PC: variants seen among roughly 807,000 people sequenced by gnomAD.
The protein encoded by PC is pyruvate carboxylase.
In PC, 46 loss-of-function variants were observed where a neutral mutation model predicts 107.8. That is an observed-to-expected ratio of 0.43 (90% CI 0.34 to 0.55). The LOEUF is 0.55. Ranked by LOEUF, PC falls within the 20% of genes least tolerant of loss-of-function variation. The probability of loss-of-function intolerance (pLI) is 0.04; values close to 1 mark genes in which losing one functional copy is unlikely to be tolerated. For missense variants in PC, 1,241 were observed against 1,643.1 expected (o/e 0.76, Z 4.23); for synonymous variants, 662 against 684.7 (o/e 0.97, Z 0.52).
chr11:66,923,162 C>G (rs1030598334), intron 3 of PC, among the ~76,000 whole-genome samples: 1 of 151,958 alleles, frequency 6.6e-6, no homozygotes, highest in Non-Finnish European at 1.5e-5. Flanking sequence ...GTCAGGAGAT[C>G]GAGACCATCC....
rs998852192 is a variant in PC at position 66,852,279 on chromosome 11, C to A, written c.1825+160G>T. Among the ~76,000 whole-genome samples, 3 of 152,234 alleles carry A rather than the reference C, an allele frequency of 2.0e-5. No individual in the cohort carries two copies. Among genetic ancestry groups the A allele is most frequent in the Non-Finnish European group, 4.4e-5 (3 of 68,042 alleles). ...TCAGCTCTGCAACCTCGTGCCGGCA[C>A]CAGGCCTGGCCGGAGAGGGCGCTGT... On this transcript the variant is annotated intron_variant, in intron 15 of 22. Transcript: ENST00000393960. This position sits in a 1 kb window ranked among gnomAD's most constrained non-coding sequence, Gnocchi z 4.7.
At chr11:66,873,525 T>TAG (rs1555028683) in intron 3 of PC, among the ~76,000 whole-genome samples, 1 of 67,340 alleles carries the variant, frequency 1.5e-5, no homozygotes, top group Non-Finnish European at 2.7e-5. Context: ...ATATTATATA[T>TAG]TATAATATAT....
chr11:66,956,742 A>G (rs552159878), intron 1 of PC, among the ~76,000 whole-genome samples: 9 of 152,276 alleles, frequency 5.9e-5, no homozygotes, highest in African/African-American at 1.9e-4. Context: ...ATCCCCTTCC[A>G]GGCCATTTCT....
At chr11:66,868,795 T>C (rs1946604809) in intron 10 of PC, 51 bp downstream of exon 10, 1 of 1,457,706 alleles carries the variant, frequency 6.9e-7, no homozygotes, top group Non-Finnish European at 9.6e-7. Context: ...CTGTACTTTA[T>C]GCAAATCCTA....
intron 3 of PC, among the ~76,000 whole-genome samples, chr11:66,887,355 TGAG>T (rs1339659672): frequency 1.3e-5 from 2 of 152,128 alleles, no homozygotes; most frequent in African/African-American, 4.8e-5. Context: ...ACAGGAACAT[TGAG>T]GAGAAAAGTA....
intron 9 of PC, among the ~76,000 whole-genome samples, chr11:66,869,582 C>A (rs904952668): frequency 1.2e-4 from 18 of 152,174 alleles, no homozygotes; most frequent in Admixed American, 1.2e-3. Context: ...TAAGACCTGA[C>A]TTAAACGCGA....
chr11:66,875,649 G>A (rs1228724963), intron 3 of PC, among the ~76,000 whole-genome samples: 6 of 152,104 alleles, frequency 3.9e-5, no homozygotes, highest in South Asian at 2.1e-4. Context: ...AGGATGGGGC[G>A]CGAGTTGGGC....
chr11:66,891,682 G>A (rs570368349), intron 3 of PC, among the ~76,000 whole-genome samples: 3 of 152,284 alleles, frequency 2.0e-5, no homozygotes, highest in South Asian at 4.1e-4. Context: ...GTGAGCCACC[G>A]CACCCAGCCA....
rs745572362 is a variant in PC, at chr11:66,871,125, T to C, written c.560A>G (p.Tyr187Cys). 2 of 1,613,706 alleles carry C rather than the reference T, an allele frequency of 1.2e-6. No individual in the cohort carries two copies. The highest frequency in any genetic ancestry group is 2.7e-5 in the African/African-American group (2 of 74,904). ...LHEAHEFSNT[Y>C]GFPIIFKAAY... is the part of the protein sequence containing the mutation. ...CGCCTTGAAGATGATGGGGAAGCCG[T>C]AGGTGTTGGAGAACTCGTGGGCCTC... Residue 187 changes from tyrosine to cysteine, a missense_variant, in exon 7 of 23, where the codon TAC becomes TGC. This residue lies in a region of PC where 1,143 missense variants were observed against 1,551.9 expected (regional missense o/e 0.74). Coordinates refer to ENST00000393960, the MANE Select transcript of PC (RefSeq NM_001040716.2). The surrounding 1 kb of genome is among the most constrained non-coding windows in gnomAD (Gnocchi z 7.4).
At chr11:66,909,439 G>A (rs555713076) in intron 3 of PC, among the ~76,000 whole-genome samples, 1 of 152,314 alleles carries the variant, frequency 6.6e-6, no homozygotes, top group South Asian at 2.1e-4. Context: ...AGGTGTCCCT[G>A]CCGCTCCCCC....
chr11:66,883,920 T>C (rs765051557), intron 3 of PC, among the ~76,000 whole-genome samples: 1 of 151,586 alleles, frequency 6.6e-6, no homozygotes, highest in Non-Finnish European at 1.5e-5. Flanking sequence ...ATCCTGTCTC[T>C]GCCAAAAAAT....
intron 12 of PC, among the ~76,000 whole-genome samples, chr11:66,863,049 A>G (rs1220095734): frequency 6.6e-6 from 1 of 152,146 alleles, no homozygotes; most frequent in Non-Finnish European, 1.5e-5. Flanking sequence ...GAAATTAAGA[A>G]TTATCTGGGA....
intron 3 of PC, among the ~76,000 whole-genome samples, chr11:66,937,047 T>C: frequency 6.6e-6 from 1 of 152,136 alleles, no homozygotes; most frequent in Admixed American, 6.5e-5. Context: ...TTTCGCCATG[T>C]TGGTCAGGCT....
At chr11:66,943,402 G>A (rs1358766251) in intron 3 of PC, among the ~76,000 whole-genome samples, 3 of 152,086 alleles carry the variant, frequency 2.0e-5, no homozygotes, top group African/African-American at 7.2e-5. Context: ...CGAATCTGCT[G>A]CTGCCTTGAT....
chr11:66,851,225 G>A lies in PC; in HGVS notation c.2038C>T (p.Leu680Phe). The change falls in exon 17 of 23, where the codon CTC (leucine) becomes TTC (phenylalanine). Residue 680 changes from leucine to phenylalanine, a missense_variant. Leu to Phe is a conservative substitution (Grantham distance 22, BLOSUM62 0). Around this residue, in one of 2 missense-constraint regions of PC, gnomAD observed 1,143 missense variants for 1,551.9 expected, o/e 0.74. Transcript: ENST00000393960. ...AGCAGCATGTTGGGCAAGTAGTTGA[G>A]GGAGTCAAACACACGGAAGACATCC... ...GMDVFRVFDSLNYLPNMLLGM... is the reference protein window; with the variant it reads ...GMDVFRVFDSFNYLPNMLLGM... The A allele has an allele frequency of 6.2e-7, 1 of 1,606,722 alleles. No individual in the cohort carries two copies. The highest frequency in any genetic ancestry group is 8.5e-7 in the Non-Finnish European group (1 of 1,179,974).
Position 66,848,944 on chromosome 11 carries a change from C to T in PC, c.3492G>A (p.Lys1164=). 6.2e-7 allele frequency: 1 copy of T among 1,614,066 alleles called. No individual in the cohort carries two copies. The highest frequency in any genetic ancestry group is 8.5e-7 in the Non-Finnish European group (1 of 1,180,030). ...EGTVRKVHVT[K]DMTLEGDDLI... ...GGTCGTCACCTTCCAGTGTCATGTCCTTGGTCACATGAACCTTGCGGACAG... is the reference window on the plus strand; with the variant it reads ...GGTCGTCACCTTCCAGTGTCATGTCTTTGGTCACATGAACCTTGCGGACAG... Residue 1164 remains lysine (K), a synonymous_variant, in exon 23 of 23, where the codon AAG becomes AAA. Coordinates refer to ENST00000393960, the MANE Select transcript of PC (RefSeq NM_001040716.2).
intron 3 of PC, among the ~76,000 whole-genome samples, chr11:66,899,262 G>A (rs763513836): frequency 6.6e-4 from 100 of 152,294 alleles, no homozygotes; most frequent in Non-Finnish European, 7.8e-4. Flanking sequence ...AGGTTCATCC[G>A]TGTTGTGGTG....
chr11:66,860,234 T>A (rs1196026942), intron 12 of PC: 1 of 1,539,056 alleles, frequency 6.5e-7, no homozygotes, highest in South Asian at 1.2e-5. Context: ...GGGATGAGCC[T>A]CGTGGGGCAG....
intron 3 of PC, among the ~76,000 whole-genome samples, chr11:66,918,666 C>T (rs964850478): frequency 7.9e-5 from 12 of 152,088 alleles, no homozygotes; most frequent in African/African-American, 2.7e-4. Context: ...AGCCACCATG[C>T]CCAGCCCAAC....
Sources: allele counts gnomAD v4.1 joint callset (sites outside exome capture counted in the v4.1 genomes callset), GRCh38; gene constraint gnomAD v4.1.1; regional missense constraint gnomAD v4.1.1; non-coding constraint Gnocchi (gnomAD v3.1); transcripts MANE v1.5; gene names NCBI Gene and HGNC (gene_info 2026-07-23, HGNC 2026-07-21).